Variants in METTL23 observed in about 807,000 individuals in gnomAD.
The protein encoded by METTL23 is histone-arginine methyltransferase METTL23.
METTL23 carries 24 observed loss-of-function variants against 21.2 expected under a neutral mutation model. That is an observed-to-expected ratio of 1.13 (90% CI 0.82 to 1.59). The LOEUF (loss-of-function observed/expected upper bound fraction) is 1.59. METTL23 is among the 40% of genes most tolerant of loss of function. METTL23 has a pLI of 0.00. For missense variants in METTL23, 276 were observed against 221.4 expected, an observed-to-expected ratio of 1.25 and a Z score of -1.57; for synonymous variants, 97 against 75.2, an observed-to-expected ratio of 1.29 and a Z score of -1.50.
chr17:76,733,837 C>G lies in METTL23; in HGVS notation c.*151C>G. Reference sequence around the variant, plus strand: ...AGATTTTGATGTCACCTAGACAACACTTAAACTCATATGAAACAAAAATTA... The same window carrying G: ...AGATTTTGATGTCACCTAGACAACAGTTAAACTCATATGAAACAAAAATTA... On this transcript the variant is annotated 3_prime_UTR_variant, in exon 5 of 5. Transcript: ENST00000341249. 2 of 560,944 alleles carry G rather than the reference C, an allele frequency of 3.6e-6. No individual in the cohort carries two copies. The highest frequency in any genetic ancestry group is 3.0e-5 in the East Asian group (1 of 33,142). 34.7% of individuals were successfully genotyped at this position (560,944 alleles called of 1,614,324 possible).
At chr17:76,729,574 G>T in intron 1 of METTL23, 116 bp from the exon 2 acceptor site, 1 of 674,260 alleles carries the variant, frequency 1.5e-6, no homozygotes, top group Non-Finnish European at 2.6e-6. Flanking sequence ...TCGTGGATTG[G>T]TGAACAGGGC....
chr17:76,732,840 G>A, intron 2 of METTL23, 138 bp from the exon 3 acceptor site: 1 of 699,082 alleles, frequency 1.4e-6, no homozygotes, highest in South Asian at 1.8e-5. Flanking sequence ...TTCAGTTACG[G>A]TACATTTTAT....
chr17:76,727,200 A>G, intron 1 of METTL23, 22 bp downstream of exon 1: 1 of 385,130 alleles, frequency 2.6e-6, no homozygotes, highest in South Asian at 1.8e-5. Flanking sequence ...AGCACCCGCC[A>G]GGAGGCGCCT....
chr17:76,733,464 C>T (rs2143877478), intron 4 of METTL23, 57 bp from the exon 5 acceptor site: 2 of 1,597,602 alleles, frequency 1.3e-6, no homozygotes, highest in Non-Finnish European at 1.7e-6. Flanking sequence ...GAATAGAATA[C>T]ATCTGAAGCA....
chr17:76,726,755 C>T (rs1330854769), upstream of METTL23: 1 of 455,000 alleles, frequency 2.2e-6, no homozygotes, highest in Non-Finnish European at 4.1e-6. Flanking sequence ...GGCGGGCCTC[C>T]GCCATGTTGG....
At position 76,726,974 on chromosome 17, in the gene METTL23, T is replaced by G. The variant is rs1283220529; in HGVS notation, c.-226T>G. ...CTTTCCCCTTCTTGCCGTCAGGTGCTACGGCCACGTGGCCCGCGGCTTCCC... is the reference window on the plus strand; with the variant it reads ...CTTTCCCCTTCTTGCCGTCAGGTGCGACGGCCACGTGGCCCGCGGCTTCCC... On this transcript the variant is annotated 5_prime_UTR_variant, in exon 1 of 5. Transcript: ENST00000341249. 1 of 456,476 alleles carries G rather than the reference T, an allele frequency of 2.2e-6. No individual in the cohort carries two copies. The highest frequency in any genetic ancestry group is 4.4e-6 in the Non-Finnish European group (1 of 226,892). 28.3% of individuals were successfully genotyped at this position (456,476 alleles called of 1,614,324 possible). A position where few individuals can be genotyped will look rare whatever the true frequency, so the allele number is the denominator to read the frequency against.
rs1176725342 is a variant in METTL23, at chr17:76,733,151, G to C, written c.258G>C (p.Trp86Cys). ...VVGLTWGHIS[W>C]DLLALPPQDI... ...GACTAACATGGGGTCATATATCTTG[G>C]GATCTTCTGGCTCTACCACCACAAG... The change falls in exon 3 of 5, where the codon TGG becomes TGC. Residue 86 changes from tryptophan (W) to cysteine (C), a missense_variant. Physicochemically the swap from Trp to Cys is radical, Grantham distance 215. Coordinates refer to ENST00000341249, the MANE Select transcript of METTL23 (RefSeq NM_001080510.5). 5.6e-6 allele frequency: 9 copies of C among 1,613,692 alleles called. No individual in the cohort carries two copies. The highest frequency in any genetic ancestry group is 7.6e-6 in the Non-Finnish European group (9 of 1,179,842).
intron 2 of METTL23, among the ~76,000 whole-genome samples, chr17:76,732,384 C>T (rs553202749): frequency 6.6e-6 from 1 of 152,000 alleles, no homozygotes; most frequent in Non-Finnish European, 1.5e-5. Flanking sequence ...GCCTGTAATC[C>T]CAGCTACTTG....
intron 2 of METTL23, among the ~76,000 whole-genome samples, chr17:76,732,122 C>T (rs2077231217): frequency 1.4e-5 from 2 of 147,466 alleles, no homozygotes; most frequent in African/African-American, 5.4e-5. Flanking sequence ...CTTTGGGAGA[C>T]TGAGGCTGGT....
intron 1 of METTL23, among the ~76,000 whole-genome samples, chr17:76,728,149 T>A (rs1389765916): frequency 6.6e-6 from 1 of 151,576 alleles, no homozygotes; most frequent in East Asian, 1.9e-4. Context: ...GGTGGGAGGA[T>A]TGCTTGAGCC....
At chr17:76,726,357 G>A, upstream of METTL23, 2 of 1,586,052 alleles carry the variant, frequency 1.3e-6, no homozygotes, top group East Asian at 2.4e-5. Flanking sequence ...CGCCACGGCC[G>A]CCGGGCTCAG....
intron 2 of METTL23, among the ~76,000 whole-genome samples, chr17:76,731,116 AAAGAT>A (rs1279902603): frequency 1.3e-5 from 2 of 151,972 alleles, no homozygotes; most frequent in Non-Finnish European, 2.9e-5. Context: ...CAAAAAAAAA[AAAGAT>A]AAAATTAGCC....
chr17:76,731,207 G>A (rs1203957450), intron 2 of METTL23, among the ~76,000 whole-genome samples: 3 of 152,180 alleles, frequency 2.0e-5, no homozygotes, highest in Non-Finnish European at 4.4e-5. Context: ...CCCAGGAGGT[G>A]GAGGCTGCAG....
At chr17:76,732,750 A>G (rs1279697190) in intron 2 of METTL23, 2 of 572,858 alleles carry the variant, frequency 3.5e-6, no homozygotes, top group Non-Finnish European at 6.2e-6. Flanking sequence ...GCCCTTTAAT[A>G]TTGAAATTGA....
At chr17:76,728,924 G>C (rs568037391) in intron 1 of METTL23, among the ~76,000 whole-genome samples, 1 of 150,386 alleles carries the variant, frequency 6.6e-6, no homozygotes, top group Admixed American at 6.7e-5. Flanking sequence ...CTCCGGAGTA[G>C]CTGGGACTAC....
Position 76,733,312 on chromosome 17 carries a change from T to C in METTL23, c.342T>C (p.Ala114=). Residue 114 remains alanine (A), a synonymous_variant, in exon 4 of 5, where the codon GCT becomes GCC. Coordinates refer to ENST00000341249, the MANE Select transcript of METTL23 (RefSeq NM_001080510.5). ...CCTCAGATTTTGAAGACATTTTGGC[T>C]ACAATATATTTTTTGATGCACAAGA... is the stretch of plus-strand genomic sequence containing the variant. ...FEPEDFEDIL[A]TIYFLMHKNP... 1.9e-6 allele frequency: 3 copies of C among 1,613,986 alleles called. No homozygotes were observed. Among genetic ancestry groups the C allele is most frequent in the Non-Finnish European group, 2.5e-6 (3 of 1,179,874 alleles).
upstream of METTL23, chr17:76,726,316 C>CG (rs2076932571): frequency 5.9e-6 from 9 of 1,537,848 alleles, no homozygotes; most frequent in Non-Finnish European, 7.0e-6. Flanking sequence ...TGCCGATGCC[C>CG]GGCCTGGCCA....
At chr17:76,729,924 T>A in intron 2 of METTL23, 130 bp downstream of exon 2, 1 of 665,428 alleles carries the variant, frequency 1.5e-6, no homozygotes, top group Non-Finnish European at 2.6e-6. Context: ...GTTTGTAAGG[T>A]CTGTGAGCTA....
chr17:76,729,665 T>C (rs1450617999), intron 1 of METTL23, 25 bp from the exon 2 acceptor site: 6 of 1,447,616 alleles, frequency 4.1e-6, no homozygotes, highest in Non-Finnish European at 4.7e-6. Flanking sequence ...AAATTATTTA[T>C]GGCACACAAA....
Sources: gnomAD v4.1 joint callset for allele counts (sites outside exome capture counted in the v4.1 genomes callset) on GRCh38, gnomAD v4.1.1 for gene constraint, MANE v1.5 for transcripts, NCBI Gene and HGNC (gene_info 2026-07-23, HGNC 2026-07-21) for gene names.